Variants in LY86 observed in about 807,000 individuals in gnomAD.
The protein encoded by LY86 is lymphocyte antigen 86, also known as MD-1, RP105-associated.
In LY86, 20 loss-of-function variants were observed where a neutral mutation model predicts 17.3. The ratio of observed to expected loss-of-function variants is 1.15; its 90% CI spans 0.81 to 1.68. The LOEUF is 1.68. LY86 is among the 40% of genes most tolerant of loss of function. LY86 has a pLI of 0.00. For missense variants in LY86, 200 were observed against 191.9 expected, an observed-to-expected ratio of 1.04 and a Z score of -0.25; for synonymous variants, 74 against 70.6, an observed-to-expected ratio of 1.05 and a Z score of -0.24.
chr6:6,633,422 G>T (rs1407480086), intron 3 of LY86, among the ~76,000 whole-genome samples: 1 of 151,984 alleles, frequency 6.6e-6, no homozygotes, highest in Non-Finnish European at 1.5e-5. Context: ...TTAAGTTCAG[G>T]GGTACATGTG....
chr6:6,597,819 T>C (rs942743602), intron 1 of LY86, among the ~76,000 whole-genome samples: 1 of 152,210 alleles, frequency 6.6e-6, no homozygotes, highest in African/African-American at 2.4e-5. Context: ...TCCACTCGCG[T>C]TTCCAAGCAC....
At chr6:6,609,736 A>G (rs1306047306) in intron 1 of LY86, among the ~76,000 whole-genome samples, 1 of 152,178 alleles carries the variant, frequency 6.6e-6, no homozygotes, top group Non-Finnish European at 1.5e-5. Context: ...ACAATTCATT[A>G]GCACATGTAG....
At chr6:6,605,423 C>G (rs371648971) in intron 1 of LY86, among the ~76,000 whole-genome samples, 17 of 152,206 alleles carry the variant, frequency 1.1e-4, no homozygotes, top group South Asian at 8.3e-4. Flanking sequence ...AACAGACCTC[C>G]AAAGATCCGC....
At chr6:6,595,499 A>G (rs1368886861) in intron 1 of LY86, among the ~76,000 whole-genome samples, 1 of 151,982 alleles carries the variant, frequency 6.6e-6, no homozygotes, top group Non-Finnish European at 1.5e-5. Flanking sequence ...TCCTGATGAA[A>G]GAATGGCTTC....
chr6:6,605,443 C>T (rs374845991), intron 1 of LY86, among the ~76,000 whole-genome samples: 1 of 152,222 alleles, frequency 6.6e-6, no homozygotes, highest in African/African-American at 2.4e-5. Flanking sequence ...CTTTCATGCC[C>T]ACTCACAGGG....
chr6:6,605,032 G>A (rs1581235103), intron 1 of LY86, among the ~76,000 whole-genome samples: 1 of 149,878 alleles, frequency 6.7e-6, no homozygotes, highest in East Asian at 2.0e-4. Flanking sequence ...AGACTTTGGA[G>A]AAAAAAAAAT....
At chr6:6,611,093 C>T (rs1223447108) in intron 1 of LY86, among the ~76,000 whole-genome samples, 1 of 152,196 alleles carries the variant, frequency 6.6e-6, no homozygotes, top group Non-Finnish European at 1.5e-5. Flanking sequence ...CACCAGCCAC[C>T]TCCGACCTCC....
At chr6:6,593,451 G>A (rs1760594742) in intron 1 of LY86, among the ~76,000 whole-genome samples, 5 of 152,216 alleles carry the variant, frequency 3.3e-5, no homozygotes, top group Admixed American at 2.6e-4. Flanking sequence ...GGGGTTAAGA[G>A]GTAGACATCT....
At chr6:6,598,747 G>A (rs1212537059) in intron 1 of LY86, among the ~76,000 whole-genome samples, 2 of 22,630 alleles carry the variant, frequency 8.8e-5, no homozygotes, top group Non-Finnish European at 3.5e-4. Flanking sequence ...GGAAACTCAT[G>A]CCTGCCCTTG....
chr6:6,641,744 C>T (rs565935950), intron 3 of LY86, among the ~76,000 whole-genome samples: 6 of 152,342 alleles, frequency 3.9e-5, no homozygotes, highest in African/African-American at 1.2e-4. Context: ...GAAAAAGGGG[C>T]ACCTTCTGCC....
At chr6:6,630,200 C>A (rs1379536349) in intron 3 of LY86, among the ~76,000 whole-genome samples, 1 of 152,230 alleles carries the variant, frequency 6.6e-6, no homozygotes, top group African/African-American at 2.4e-5. Context: ...AGAATAAATT[C>A]TCTTCCCCTG....
chr6:6,626,127 A>G (rs1181216746), intron 2 of LY86, among the ~76,000 whole-genome samples, 166 bp from the exon 3 acceptor site: 3 of 152,194 alleles, frequency 2.0e-5, no homozygotes, highest in Non-Finnish European at 4.4e-5. Context: ...CCCCTGTAGC[A>G]TTGCCTAAAT....
At position 6,599,896 on chromosome 6, in the gene LY86, G is replaced by A. The variant is rs1760844158; in HGVS notation, c.136+11026G>A. ...TATTCAAGCATAAAAACCATCACAT[G>A]AAGCAAACTCACCCAATGTCAGGTG... is the stretch of plus-strand genomic sequence containing the variant. On this transcript the variant is annotated intron_variant, in intron 1 of 4. Coordinates refer to ENST00000230568, the MANE Select transcript of LY86 (RefSeq NM_004271.4). Among the ~76,000 whole-genome samples, 6 of 152,086 alleles carry A rather than the reference G, an allele frequency of 3.9e-5. No homozygotes were observed. In the South Asian group the frequency reaches 1.2e-3, roughly 32 times the overall value.
intron 1 of LY86, among the ~76,000 whole-genome samples, chr6:6,612,077 C>A (rs776315326): frequency 1.3e-5 from 2 of 152,238 alleles, no homozygotes; most frequent in Non-Finnish European, 1.5e-5. Flanking sequence ...AATGTATTAG[C>A]AAGATTTGAG....
chr6:6,629,146 T>A (rs1761858801), intron 3 of LY86, among the ~76,000 whole-genome samples: 2 of 152,224 alleles, frequency 1.3e-5, no homozygotes, highest in Non-Finnish European at 2.9e-5. Flanking sequence ...ATGGGAGTGA[T>A]GACTGCATAG....
At chr6:6,596,982 C>T (rs1210612223) in intron 1 of LY86, among the ~76,000 whole-genome samples, 1 of 152,096 alleles carries the variant, frequency 6.6e-6, no homozygotes, top group Non-Finnish European at 1.5e-5. Context: ...ACAGCTATTT[C>T]CATCCTTAGG....
At chr6:6,649,009 C>A (rs544015675) in intron 3 of LY86, among the ~76,000 whole-genome samples, 2 of 152,284 alleles carry the variant, frequency 1.3e-5, no homozygotes, top group African/African-American at 4.8e-5. Flanking sequence ...CATTTTCATA[C>A]CACTATGAAG....
chr6:6,631,681 G>A (rs1473279951), intron 3 of LY86, among the ~76,000 whole-genome samples: 1 of 152,156 alleles, frequency 6.6e-6, no homozygotes, highest in South Asian at 2.1e-4. Flanking sequence ...TGGGCCATGT[G>A]TTGGCAAACT....
chr6:6,622,804 C>T (rs1761709609), intron 1 of LY86: 1 of 152,204 alleles, frequency 6.6e-6, no homozygotes, highest in Non-Finnish European at 1.5e-5. Context: ...AACAGAACTA[C>T]CAGATGCCAT....
Sources: allele counts gnomAD v4.1 joint callset (sites outside exome capture counted in the v4.1 genomes callset), GRCh38; gene constraint gnomAD v4.1.1; transcripts MANE v1.5; gene names NCBI Gene and HGNC (gene_info 2026-07-23, HGNC 2026-07-21).